Variants in DNAH12 observed in about 807,000 individuals in gnomAD.
The protein encoded by DNAH12 is axonemal beta dynein heavy chain 12.
Under a neutral mutation model 371.5 loss-of-function variants are expected in DNAH12, and 285 were observed. The ratio of observed to expected loss-of-function variants is 0.77; its 90% confidence interval spans 0.70 to 0.85. DNAH12 has a LOEUF of 0.85. DNAH12 is among the 40% of genes least tolerant of loss of function. The pLI, the probability that DNAH12 is intolerant of heterozygous loss-of-function variation, is 0.00. For synonymous variants in DNAH12, 1,200 were observed against 1,213.0 expected, an observed-to-expected ratio of 0.99 and a Z score of 0.22; for missense variants, 3,611 against 3,689.4, an observed-to-expected ratio of 0.98 and a Z score of 0.55.
Position 57,504,128 on chromosome 3 carries a change from A to G in DNAH12, c.974T>C (p.Ile325Thr). Reference sequence around the variant, plus strand: ...ATCAAATGTCAATTCTATCTTAAATATTGGCAGCCTTTGTTGATCTTTTGG... The same window carrying G: ...ATCAAATGTCAATTCTATCTTAAATGTTGGCAGCCTTTGTTGATCTTTTGG... ...FDPKDQQRLP[I>T]FKIELTFDDD... Residue 325 changes from isoleucine to threonine, a missense_variant, in exon 9 of 74, where the codon ATA (isoleucine) becomes ACA (threonine). Transcript: ENST00000495027. 3 of 1,613,946 alleles carry G rather than the reference A, an allele frequency of 1.9e-6. No homozygotes were observed. The highest frequency in any genetic ancestry group is 2.5e-6 in the Non-Finnish European group (3 of 1,179,906).
Position 57,453,321 on chromosome 3 carries a change from G to C in DNAH12, c.3539C>G (p.Thr1180Ser). 3 of 1,551,174 alleles carry C rather than the reference G, an allele frequency of 1.9e-6. No individual in the cohort carries two copies. In the South Asian group the frequency reaches 3.6e-5, roughly 18 times the overall value. Residue 1180 changes from threonine to serine, a missense_variant, in exon 24 of 74, where the codon ACC becomes AGC. Thr to Ser is a moderately conservative substitution (Grantham distance 58). Around this residue, in one of 3 missense-constraint regions of DNAH12, gnomAD observed 1,314 missense variants for 1,398.7 expected, o/e 0.94. Coordinates refer to ENST00000495027, the MANE Select transcript of DNAH12 (RefSeq NM_001366028.2). ...AACCAAAGCCCCCAGAGTGGTCCTGGTCTGCTTAGACAACTTTCCTCTTAC... is the reference window on the plus strand; with the variant it reads ...AACCAAAGCCCCCAGAGTGGTCCTGCTCTGCTTAGACAACTTTCCTCTTAC... ...ELVRGKLSKQ[T>S]RTTLGALVTI...
At chr3:57,298,464 A>G (rs1226934013) in intron 70 of DNAH12, among the ~76,000 whole-genome samples, 1 of 152,250 alleles carries the variant, frequency 6.6e-6, no homozygotes, top group Non-Finnish European at 1.5e-5. Context: ...AGCCAGGACA[A>G]GATATCCATG....
At chr3:57,507,935 T>G (rs2067825504) in intron 7 of DNAH12, 97 bp from the exon 8 acceptor site, 2 of 1,119,394 alleles carry the variant, frequency 1.8e-6, no homozygotes, top group South Asian at 1.7e-5. Flanking sequence ...ACACCTGTAA[T>G]CTCAGCACTT....
intron 17 of DNAH12, among the ~76,000 whole-genome samples, chr3:57,467,160 C>T (rs1164538421): frequency 1.3e-5 from 2 of 152,200 alleles, no homozygotes; most frequent in East Asian, 3.9e-4. Context: ...CTCTATTGCC[C>T]AGACTGGGCA....
chr3:57,343,466 C>A (rs1047440107), intron 60 of DNAH12, among the ~76,000 whole-genome samples: 1 of 152,218 alleles, frequency 6.6e-6, no homozygotes. Flanking sequence ...TAAAAGTCAT[C>A]GGCATTCTCT....
intron 67 of DNAH12, 55 bp downstream of exon 67, chr3:57,310,662 T>C (rs535406915): frequency 5.9e-5 from 72 of 1,210,708 alleles, no homozygotes; most frequent in Admixed American, 2.5e-4. Context: ...ATTTCACCAT[T>C]TGCTGTTAGA....
chr3:57,297,213 G>T, intron 70 of DNAH12: 1 of 517,842 alleles, frequency 1.9e-6, no homozygotes, highest in East Asian at 3.2e-5. Context: ...ATGAAACATA[G>T]TTTGAAGAGT....
At position 57,433,818 on chromosome 3, in the gene DNAH12, C is replaced by G; in HGVS notation, c.4666G>C (p.Val1556Leu). The G allele has an allele frequency of 6.5e-7, 1 of 1,537,920 alleles. No homozygotes were observed. The highest frequency in any genetic ancestry group is 2.5e-5 in the East Asian group (1 of 40,782). Residue 1556 changes from valine (V) to leucine (L), a missense_variant, in exon 31 of 74, where the codon GTA (valine) becomes CTA (leucine). Around this residue, in one of 3 missense-constraint regions of DNAH12, gnomAD observed 2,266 missense variants for 2,236.9 expected, o/e 1.01. Transcript: ENST00000495027. ...GTCTTAGCAGCAAAAGGCTCTCCTACTAACATAAAACTATGAAGGAAAAGA... is the reference window on the plus strand; with the variant it reads ...GTCTTAGCAGCAAAAGGCTCTCCTAGTAACATAAAACTATGAAGGAAAAGA... ...MMIVRHGFML[V>L]GEPFAAKTKV...
intron 13 of DNAH12, among the ~76,000 whole-genome samples, chr3:57,480,747 A>T (rs561307245): frequency 6.6e-6 from 1 of 152,338 alleles, no homozygotes; most frequent in East Asian, 1.9e-4. Flanking sequence ...CATCCCTAGG[A>T]TGCAAGGCTG....
At chr3:57,479,760 A>C (rs182426166) in intron 13 of DNAH12, among the ~76,000 whole-genome samples, 191 of 152,332 alleles carry the variant, frequency 1.3e-3, no homozygotes, top group African/African-American at 4.1e-3. Flanking sequence ...ACTCAGGATT[A>C]AGAAACTCAC....
Position 57,433,776 on chromosome 3 carries a change from G to A in DNAH12, c.4708C>T (p.Leu1570=). Reference sequence around the variant, plus strand: ...TTCATTAAAGTTAGCGTATCCGCCAGCACATGCAGAACTTTTGTCTTAGCA... The same window carrying A: ...TTCATTAAAGTTAGCGTATCCGCCAACACATGCAGAACTTTTGTCTTAGCA... ...FAAKTKVLHV[L]ADTLTLMNEH... The change falls in exon 31 of 74, where the codon CTG becomes TTG. Residue 1570 remains leucine (L), a synonymous_variant. Coordinates refer to ENST00000495027, the MANE Select transcript of DNAH12 (RefSeq NM_001366028.2). The A allele has an allele frequency of 6.5e-7, 1 of 1,549,994 alleles. No homozygotes were observed. Among genetic ancestry groups the A allele is most frequent in the Non-Finnish European group, 8.7e-7 (1 of 1,146,570 alleles).
chr3:57,362,548 T>G (rs898121459), intron 58 of DNAH12, among the ~76,000 whole-genome samples: 1 of 152,208 alleles, frequency 6.6e-6, no homozygotes, highest in Non-Finnish European at 1.5e-5. Context: ...GACTTTTTAA[T>G]GATCGCCATT....
At chr3:57,297,836 G>A (rs967438635) in intron 70 of DNAH12, among the ~76,000 whole-genome samples, 6 of 152,162 alleles carry the variant, frequency 3.9e-5, no homozygotes, top group Non-Finnish European at 7.3e-5. Flanking sequence ...TGGATCAGAC[G>A]TAGCATCTTG....
chr3:57,451,889 T>C (rs948372346), intron 25 of DNAH12, among the ~76,000 whole-genome samples: 14 of 151,992 alleles, frequency 9.2e-5, no homozygotes, highest in African/African-American at 2.9e-4. Flanking sequence ...ATCTCAGGAG[T>C]TGGGTGAGTG....
At chr3:57,297,030 A>G (rs2061247339) in intron 70 of DNAH12, 46 bp from the exon 71 acceptor site, 2 of 1,541,872 alleles carry the variant, frequency 1.3e-6, no homozygotes, top group African/African-American at 1.4e-5. Context: ...TTAAAGTTAT[A>G]CAAGTGCCAC....
chr3:57,399,907 C>T (rs2063822213), intron 43 of DNAH12, among the ~76,000 whole-genome samples: 1 of 152,148 alleles, frequency 6.6e-6, no homozygotes, highest in African/African-American at 2.4e-5. Context: ...ATATAACATA[C>T]AAAATACATG....
At chr3:57,429,619 A>T in intron 33 of DNAH12, 72 bp downstream of exon 33, 1 of 1,401,818 alleles carries the variant, frequency 7.1e-7, no homozygotes, top group South Asian at 1.4e-5. Context: ...ACATATAATA[A>T]AAAATACTTA....
intron 60 of DNAH12, among the ~76,000 whole-genome samples, chr3:57,337,331 G>A (rs1553654100): frequency 6.6e-6 from 1 of 151,602 alleles, no homozygotes; most frequent in Non-Finnish European, 1.5e-5. Context: ...CACATAGGGA[G>A]ACCCTCTATT....
intron 60 of DNAH12, among the ~76,000 whole-genome samples, chr3:57,349,404 G>C (rs2062618785): frequency 6.6e-6 from 1 of 152,170 alleles, no homozygotes; most frequent in Non-Finnish European, 1.5e-5. Flanking sequence ...ACAGAAAACA[G>C]TGTGGAGATT....
Sources: allele counts gnomAD v4.1 joint callset (sites outside exome capture counted in the v4.1 genomes callset), GRCh38; gene constraint gnomAD v4.1.1; regional missense constraint gnomAD v4.1.1; transcripts MANE v1.5; gene names NCBI Gene and HGNC (gene_info 2026-07-23, HGNC 2026-07-21).